The following ANKS1A variants were observed in gnomAD, a reference collection of about 807,000 sequenced individuals.
The protein encoded by ANKS1A is ankyrin repeat and sterile alpha motif domain containing 1A.
Under a neutral mutation model 120.3 loss-of-function variants are expected in ANKS1A, and 55 were observed. The ratio of observed to expected loss-of-function variants is 0.46; its 90% CI spans 0.37 to 0.57. The LOEUF (loss-of-function observed/expected upper bound fraction) is 0.57. ANKS1A is among the 20% of genes least tolerant of loss of function. The pLI, the probability that ANKS1A is intolerant of heterozygous loss-of-function variation, is 0.00. For synonymous variants in ANKS1A, 590 were observed against 604.7 expected, an observed-to-expected ratio of 0.98 and a Z score of 0.36; for missense variants, 1,123 against 1,480.3, an observed-to-expected ratio of 0.76 and a Z score of 3.96.
intron 1 of ANKS1A, among the ~76,000 whole-genome samples, chr6:34,944,666 C>T (rs1320159004): frequency 6.6e-6 from 1 of 152,164 alleles, no homozygotes; most frequent in East Asian, 1.9e-4. Flanking sequence ...GTTTCTCAGT[C>T]AGCCCCACAG....
intron 1 of ANKS1A, among the ~76,000 whole-genome samples, chr6:34,966,827 G>T (rs545487670): frequency 2.4e-4 from 36 of 152,088 alleles, no homozygotes; most frequent in Non-Finnish European, 4.4e-4. Flanking sequence ...ATCCTTGCTC[G>T]TTGGCTCGTC....
At chr6:35,049,649 G>T (rs527588003) in intron 11 of ANKS1A, among the ~76,000 whole-genome samples, 1 of 152,276 alleles carries the variant, frequency 6.6e-6, no homozygotes, top group Non-Finnish European at 1.5e-5. Flanking sequence ...GTGTTAGGAG[G>T]GAATGTCTGA....
At chr6:34,991,862 A>G (rs970409259) in intron 9 of ANKS1A, among the ~76,000 whole-genome samples, 94 of 151,498 alleles carry the variant, frequency 6.2e-4, no homozygotes, top group African/African-American at 2.2e-3. Flanking sequence ...AGGAAAAAAA[A>G]AAAAGATTAA....
Position 35,088,587 on chromosome 6 carries a change from A to G in ANKS1A, c.3402-19A>G, listed in dbSNP as rs1174636204. On this transcript the variant is annotated intron_variant, in intron 23 of 23. Transcript: ENST00000360359. The stretch of plus-strand genomic sequence containing the variant: ...CATTGGTTAACCCTTTCCTCCCCCC[A>G]TTGTTTGCTTCTGCCAAGCTGAGCC... 1 of 1,613,760 alleles carries G rather than the reference A, an allele frequency of 6.2e-7. No homozygotes were observed. Among genetic ancestry groups the G allele is most frequent in the Admixed American group, 1.7e-5 (1 of 59,986 alleles).
intron 1 of ANKS1A, among the ~76,000 whole-genome samples, chr6:34,935,833 C>T (rs934996892): frequency 1.3e-5 from 2 of 151,696 alleles, no homozygotes; most frequent in African/African-American, 4.8e-5. Context: ...GAGGCCGAGG[C>T]GGGCGGATCA....
chr6:34,891,087 ACAT>A (rs1766799290), intron 1 of ANKS1A, among the ~76,000 whole-genome samples: 1 of 152,206 alleles, frequency 6.6e-6, no homozygotes, highest in Non-Finnish European at 1.5e-5. Context: ...GAGAACAGAG[ACAT>A]CATTTAGGGA....
chr6:34,950,171 C>A (rs1471627138), intron 1 of ANKS1A, among the ~76,000 whole-genome samples: 1 of 151,572 alleles, frequency 6.6e-6, no homozygotes, highest in Non-Finnish European at 1.5e-5. Flanking sequence ...CAGTGAGACC[C>A]TGTCTCTTAA....
chr6:35,015,203 A>G (rs1011382614), intron 10 of ANKS1A, among the ~76,000 whole-genome samples: 2 of 152,224 alleles, frequency 1.3e-5, no homozygotes, highest in Non-Finnish European at 2.9e-5. Context: ...AAAGTGGTCA[A>G]GTGTAGAGGA....
intron 3 of ANKS1A, among the ~76,000 whole-genome samples, chr6:34,976,136 CAAAA>C (rs748181297): frequency 2.3e-5 from 2 of 87,590 alleles, no homozygotes; most frequent in African/African-American, 3.9e-5. Context: ...GACTCCATCT[CAAAA>C]AAAAAAAAAA....
At chr6:34,948,176 A>G (rs759219520) in intron 1 of ANKS1A, among the ~76,000 whole-genome samples, 34 of 151,574 alleles carry the variant, frequency 2.2e-4, no homozygotes, top group Non-Finnish European at 4.1e-4. Context: ...AATGTTCCAA[A>G]GTAATGTGCT....
chr6:34,924,644 A>G (rs1768615740), intron 1 of ANKS1A, among the ~76,000 whole-genome samples: 1 of 152,196 alleles, frequency 6.6e-6, no homozygotes, highest in African/African-American at 2.4e-5. Flanking sequence ...TCCTTTGAGG[A>G]AGAGACAAAA....
intron 1 of ANKS1A, among the ~76,000 whole-genome samples, chr6:34,952,746 G>T (rs1357030647): frequency 6.8e-6 from 1 of 146,460 alleles, no homozygotes; most frequent in Non-Finnish European, 1.5e-5. Context: ...ATCTCACTCT[G>T]TCGCCCAGGC....
In ANKS1A at chr6:35,060,046, G is replaced by A; in HGVS notation, c.2078-101G>A. 1 of 897,410 alleles carries A rather than the reference G, an allele frequency of 1.1e-6. No homozygotes were observed. The highest frequency in any genetic ancestry group is 1.8e-6 in the Non-Finnish European group (1 of 562,766). 55.6% of individuals were successfully genotyped at this position (897,410 alleles called of 1,614,324 possible). Reference sequence around the variant, plus strand: ...TATAGTTTGGCTGTTTGATGGTAATGACTATGATGTGGCAATGCCATCTAT... The same window carrying A: ...TATAGTTTGGCTGTTTGATGGTAATAACTATGATGTGGCAATGCCATCTAT... On this transcript the variant is annotated intron_variant, in intron 12 of 23. Transcript: ENST00000360359. The surrounding 1 kb of genome is among the most constrained non-coding windows in gnomAD (Gnocchi z 4.5).
At chr6:34,922,917 T>A (rs1293265720) in intron 1 of ANKS1A, among the ~76,000 whole-genome samples, 1 of 152,088 alleles carries the variant, frequency 6.6e-6, no homozygotes, top group Non-Finnish European at 1.5e-5. Context: ...GGTCTTGATC[T>A]CCTGACATTG....
At position 35,060,242 on chromosome 6, in the gene ANKS1A, G is replaced by A; in HGVS notation, c.2173G>A (p.Val725Ile). Reference sequence around the variant, plus strand: ...GTTGCTTCTGAATGGCTTTGACGATGTCCACTTCCTGGTAAGTGGCTGCAG... The same window carrying A: ...GTTGCTTCTGAATGGCTTTGACGATATCCACTTCCTGGTAAGTGGCTGCAG... Reference protein sequence around the residue: ...SKLLLNGFDDVHFLGSNVMEE... With the variant: ...SKLLLNGFDDIHFLGSNVMEE... Residue 725 changes from valine to isoleucine, a missense_variant, in exon 13 of 24, where the codon GTC becomes ATC. Physicochemically the swap from Val to Ile is conservative, Grantham distance 29. Around this residue, in one of 3 missense-constraint regions of ANKS1A, gnomAD observed 904 missense variants for 1,130.4 expected, o/e 0.80. Coordinates refer to ENST00000360359, the MANE Select transcript of ANKS1A (RefSeq NM_015245.3). The surrounding 1 kb of genome is among the most constrained non-coding windows in gnomAD (Gnocchi z 4.5). The A allele has an allele frequency of 1.2e-6, 2 of 1,610,670 alleles. No homozygotes were observed. Among genetic ancestry groups the A allele is most frequent in the Non-Finnish European group, 1.7e-6 (2 of 1,178,882 alleles).
intron 1 of ANKS1A, among the ~76,000 whole-genome samples, chr6:34,921,798 A>T (rs778522357): frequency 1.1e-4 from 16 of 152,194 alleles, no homozygotes; most frequent in Non-Finnish European, 2.2e-4. Context: ...CCTGGGCTTA[A>T]GCGATCCTCC....
chr6:34,906,053 G>A (rs1406518109), intron 1 of ANKS1A, among the ~76,000 whole-genome samples: 1 of 152,102 alleles, frequency 6.6e-6, no homozygotes, highest in Non-Finnish European at 1.5e-5. Context: ...TGCCCCTCGG[G>A]GATCTTCTGC....
At chr6:35,066,705 C>T (rs1776794261) in intron 13 of ANKS1A, among the ~76,000 whole-genome samples, 1 of 152,192 alleles carries the variant, frequency 6.6e-6, no homozygotes, top group African/African-American at 2.4e-5. Context: ...ACACTTGACT[C>T]TTCCTGGTGG....
Position 35,091,150 on chromosome 6 carries a change from T to TTGTC in ANKS1A, c.*2543_*2546dup. On this transcript the variant is annotated 3_prime_UTR_variant, in exon 24 of 24. Transcript: ENST00000360359. ...CTGTAATGAAAATGTTATTTAATCT[T>TTGTC]TGTCTCTGTATTTTGATACTTGAAT... 1.0e-6 allele frequency: 1 copy of TTGTC among 985,942 alleles called. No individual in the cohort carries two copies. Among genetic ancestry groups the TTGTC allele is most frequent in the Non-Finnish European group, 1.2e-6 (1 of 829,944 alleles). 61.1% of individuals were successfully genotyped at this position (985,942 alleles called of 1,614,324 possible).
Sources: allele counts gnomAD v4.1 joint callset (sites outside exome capture counted in the v4.1 genomes callset), GRCh38; gene constraint gnomAD v4.1.1; regional missense constraint gnomAD v4.1.1; non-coding constraint Gnocchi (gnomAD v3.1); transcripts MANE v1.5; gene names NCBI Gene and HGNC (gene_info 2026-07-23, HGNC 2026-07-21).